TRHDE: variants seen among roughly 807,000 people sequenced by gnomAD.
TRHDE encodes thyrotropin-releasing hormone-degrading ectoenzyme.
TRHDE carries 72 observed loss-of-function variants against 125.7 expected under a neutral mutation model. That is an observed-to-expected ratio of 0.57 (90% confidence interval 0.47 to 0.70). TRHDE has a LOEUF of 0.70. Ranked by LOEUF, TRHDE falls within the 30% of genes least tolerant of loss-of-function variation. The probability of loss-of-function intolerance (pLI) is 0.00; values close to 1 mark genes in which losing one functional copy is unlikely to be tolerated. For missense variants in TRHDE, 1,110 were observed against 1,327.1 expected, an observed-to-expected ratio of 0.84 and a Z score of 2.54; for synonymous variants, 509 against 509.1, an observed-to-expected ratio of 1.00 and a Z score of 0.00.
intron 3 of TRHDE, among the ~76,000 whole-genome samples, chr12:72,392,569 G>A (rs1872648905): frequency 6.6e-6 from 1 of 152,158 alleles, no homozygotes; most frequent in South Asian, 2.1e-4. Context: ...ATTTTCAGCT[G>A]TGTAAACTAT....
intron 1 of TRHDE, among the ~76,000 whole-genome samples, chr12:72,105,384 G>A (rs1875163261): frequency 6.6e-6 from 1 of 152,116 alleles, no homozygotes; most frequent in South Asian, 2.1e-4. Context: ...TTAAATGCAG[G>A]GCAATGGGAA....
intron 2 of TRHDE, among the ~76,000 whole-genome samples, chr12:72,174,040 G>A (rs897737536): frequency 2.6e-5 from 4 of 152,124 alleles, no homozygotes; most frequent in African/African-American, 9.7e-5. Flanking sequence ...TTAGCCATGT[G>A]ACTTGCCTTG....
At chr12:72,635,230 A>G (rs1381546443) in intron 15 of TRHDE, among the ~76,000 whole-genome samples, 1 of 151,836 alleles carries the variant, frequency 6.6e-6, no homozygotes, top group Admixed American at 6.6e-5. Context: ...TGTGGTTTTG[A>G]TTTGCATTTC....
intron 2 of TRHDE, among the ~76,000 whole-genome samples, chr12:72,119,167 G>A (rs1287225557): frequency 6.6e-6 from 1 of 152,028 alleles, no homozygotes. Context: ...TTATGACATA[G>A]GCACTTACGA....
At chr12:72,202,747 C>T (rs924370810) in intron 2 of TRHDE, among the ~76,000 whole-genome samples, 10 of 152,156 alleles carry the variant, frequency 6.6e-5, no homozygotes, top group East Asian at 3.9e-4. Context: ...ACATGCAATT[C>T]GGAATATACC....
intron 2 of TRHDE, among the ~76,000 whole-genome samples, chr12:72,220,818 C>T (rs1419476345): frequency 6.6e-6 from 1 of 152,078 alleles, no homozygotes; most frequent in Non-Finnish European, 1.5e-5. Context: ...TTTTCTTCCA[C>T]CAAGGACTGC....
chr12:72,547,859 T>G (rs184244484), intron 7 of TRHDE, among the ~76,000 whole-genome samples: 317 of 151,948 alleles, frequency 2.1e-3, no homozygotes, highest in Non-Finnish European at 3.8e-3. Context: ...AACCAGAAAC[T>G]GTCTCTTGCA....
chr12:72,468,997 A>G (rs1169326344), intron 3 of TRHDE, among the ~76,000 whole-genome samples: 3 of 152,258 alleles, frequency 2.0e-5, no homozygotes, highest in Non-Finnish European at 4.4e-5. Flanking sequence ...TAACACCTCT[A>G]TGACCTTTTA....
intron 5 of TRHDE, among the ~76,000 whole-genome samples, chr12:72,485,644 C>T (rs928040053): frequency 9.2e-5 from 14 of 152,236 alleles, no homozygotes; most frequent in South Asian, 2.1e-4. Flanking sequence ...GGAATACAAG[C>T]GCAGTTTCAC....
At chr12:72,441,692 C>T (rs1481087122) in intron 3 of TRHDE, among the ~76,000 whole-genome samples, 2 of 151,772 alleles carry the variant, frequency 1.3e-5, no homozygotes, top group Non-Finnish European at 2.9e-5. Flanking sequence ...CCAGAGAACT[C>T]GAAGCTATTC....
rs1221233743 is a variant in TRHDE at position 72,667,845 on chromosome 12, CT to C, written c.*4651del. The C allele has an allele frequency of 6.6e-6, 1 of 151,610 alleles. No homozygotes were observed. The highest frequency in any genetic ancestry group is 1.5e-5 in the Non-Finnish European group (1 of 67,742). The allele number at this position is 151,610 out of a possible 1,614,324, so 9.4% of individuals were successfully genotyped here. On this transcript the variant is annotated 3_prime_UTR_variant, in exon 19 of 19. Coordinates refer to ENST00000261180, the MANE Select transcript of TRHDE (RefSeq NM_013381.3). ...GGATGGAATTTATCCTTAAGAAAAG[CT>C]GTTTAAACAATTTAGTAGTATTAGT...
At chr12:72,193,608 C>T (rs934707055) in intron 2 of TRHDE, among the ~76,000 whole-genome samples, 21 of 152,150 alleles carry the variant, frequency 1.4e-4, no homozygotes, top group Non-Finnish European at 2.2e-4. Flanking sequence ...CAAACTTCAC[C>T]GGGAAGTAGG....
intron 2 of TRHDE, among the ~76,000 whole-genome samples, chr12:72,347,814 C>T (rs1870396368): frequency 6.6e-6 from 1 of 152,088 alleles, no homozygotes; most frequent in African/African-American, 2.4e-5. Flanking sequence ...GGAGGAATCA[C>T]AGTCTTGTCT....
intron 2 of TRHDE, among the ~76,000 whole-genome samples, chr12:72,346,153 C>A (rs1162353920): frequency 2.0e-5 from 3 of 151,976 alleles, no homozygotes; most frequent in East Asian, 3.9e-4. Flanking sequence ...TATTTTGGGG[C>A]CTTCTGTGGA....
intron 5 of TRHDE, among the ~76,000 whole-genome samples, chr12:72,475,025 A>G (rs1237562269): frequency 6.6e-6 from 1 of 152,174 alleles, no homozygotes; most frequent in Non-Finnish European, 1.5e-5. Flanking sequence ...CTAGGCATTT[A>G]TATATGTATA....
intron 12 of TRHDE, among the ~76,000 whole-genome samples, chr12:72,591,498 CAAAAG>C (rs999625707): frequency 6.6e-6 from 1 of 151,096 alleles, no homozygotes; most frequent in African/African-American, 2.4e-5. Flanking sequence ...TTAAAAAACC[CAAAAG>C]AAAATGTTAT....
chr12:72,410,795 CAAT>C (rs1222987212), intron 3 of TRHDE, among the ~76,000 whole-genome samples: 1 of 150,630 alleles, frequency 6.6e-6, no homozygotes, highest in Non-Finnish European at 1.5e-5. Flanking sequence ...AGGAATCAGA[CAAT>C]GATGCTGGCT....
chr12:72,641,101 A>G (rs1423031377), intron 15 of TRHDE, among the ~76,000 whole-genome samples: 1 of 152,208 alleles, frequency 6.6e-6, no homozygotes, highest in Non-Finnish European at 1.5e-5. Context: ...ACCTTGACTT[A>G]CCTGGATCTA....
At chr12:72,647,439 C>T (rs752982616) in intron 15 of TRHDE, among the ~76,000 whole-genome samples, 14 of 150,806 alleles carry the variant, frequency 9.3e-5, no homozygotes, top group Non-Finnish European at 1.5e-4. Flanking sequence ...ACATAGTTAG[C>T]AAAAGGGAGG....
Sources: allele counts gnomAD v4.1 joint callset (sites outside exome capture counted in the v4.1 genomes callset), GRCh38; gene constraint gnomAD v4.1.1; transcripts MANE v1.5; gene names NCBI Gene and HGNC (gene_info 2026-07-23, HGNC 2026-07-21).